Variants in IMMP2L observed in about 807,000 individuals in gnomAD.
IMMP2L encodes mitochondrial inner membrane protease subunit 2.
IMMP2L carries 18 observed loss-of-function variants against 19.3 expected under a neutral mutation model. The ratio of observed to expected loss-of-function variants is 0.93; its 90% CI spans 0.64 to 1.38. The LOEUF is 1.38. IMMP2L is among the 40% of genes most tolerant of loss of function. The pLI is 0.00. For missense variants in IMMP2L, 233 were observed against 218.2 expected (o/e 1.07, Z -0.43); for synonymous variants, 76 against 73.0 (o/e 1.04, Z -0.21).
rs554313261 is a variant in IMMP2L at position 111,233,082 on chromosome 7, A to G, written c.239+254156T>C. ...ATTCCTCCATATTCCCAGTGAAAAC[A>G]CTGAACCTAACTCATCTTAGATGCT... On this transcript the variant is annotated intron_variant, in intron 3 of 5. Transcript: ENST00000405709. Among the ~76,000 whole-genome samples the G allele has an allele frequency of 8.5e-5, 13 of 152,132 alleles. 1 individual carries two copies. Among genetic ancestry groups the G allele is most frequent in the Non-Finnish European group, 1.9e-4 (13 of 68,024 alleles).
At chr7:111,499,949 C>G (rs1354039419) in intron 2 of IMMP2L, among the ~76,000 whole-genome samples, 2 of 152,172 alleles carry the variant, frequency 1.3e-5, no homozygotes, top group African/African-American at 4.8e-5. Flanking sequence ...GAGTGCCAGA[C>G]AGCAGGTGCA....
At chr7:110,979,008 T>C (rs1237145258) in intron 3 of IMMP2L, among the ~76,000 whole-genome samples, 1 of 152,082 alleles carries the variant, frequency 6.6e-6, no homozygotes, top group Non-Finnish European at 1.5e-5. Flanking sequence ...GGATGGACTA[T>C]ATAGAAAATT....
Position 111,337,809 on chromosome 7 carries a change from C to T in IMMP2L, c.239+149429G>A, listed in dbSNP as rs76748123. Among the ~76,000 whole-genome samples the T allele has an allele frequency of 3.3e-3, 505 of 152,122 alleles. 3 individuals carry two copies. The highest frequency in any genetic ancestry group is 0.012 in the African/African-American group (489 of 41,520). ...CCAAGGCAAACAGAAAAACTAAGTACCATACATTCAGGATTAGATTTTCCT... is the reference window on the plus strand; with the variant it reads ...CCAAGGCAAACAGAAAAACTAAGTATCATACATTCAGGATTAGATTTTCCT... On this transcript the variant is annotated intron_variant, in intron 3 of 5. Coordinates refer to ENST00000405709, the MANE Select transcript of IMMP2L (RefSeq NM_032549.4).
intron 4 of IMMP2L, among the ~76,000 whole-genome samples, chr7:110,956,303 T>C (rs533645793): frequency 5.9e-5 from 9 of 152,036 alleles, no homozygotes; most frequent in Non-Finnish European, 1.2e-4. Context: ...TCAATACTAG[T>C]TAAAGAAAGC....
intron 5 of IMMP2L, among the ~76,000 whole-genome samples, chr7:110,791,650 A>T (rs1252303946): frequency 6.6e-6 from 1 of 151,806 alleles, no homozygotes; most frequent in Non-Finnish European, 1.5e-5. Flanking sequence ...TTACTAATAA[A>T]GTTGATCAAA....
At chr7:110,871,978 C>T (rs1488265786) in intron 5 of IMMP2L, among the ~76,000 whole-genome samples, 1 of 152,092 alleles carries the variant, frequency 6.6e-6, no homozygotes, top group Non-Finnish European at 1.5e-5. Flanking sequence ...TCTACAAATA[C>T]ACTGCTCCTA....
intron 5 of IMMP2L, among the ~76,000 whole-genome samples, chr7:110,762,279 T>G (rs1245302139): frequency 6.6e-6 from 1 of 151,728 alleles, no homozygotes; most frequent in Non-Finnish European, 1.5e-5. Flanking sequence ...TGCTTCAGAG[T>G]GCTCAAAAAT....
In IMMP2L at chr7:111,004,432, T is replaced by C. The variant is rs112288615; in HGVS notation, c.240-40867A>G. 3.2e-3 allele frequency among the ~76,000 whole-genome samples: 489 copies of C among 152,288 alleles called. 4 individuals carry two copies. Among genetic ancestry groups the C allele is most frequent in the African/African-American group, 0.011 (453 of 41,562 alleles). Reference sequence around the variant, plus strand: ...CTTCTGTCTTGGCCTCGCAAAGTGCTGTGATTAAAGGCATGAAACAACACA... The same window carrying C: ...CTTCTGTCTTGGCCTCGCAAAGTGCCGTGATTAAAGGCATGAAACAACACA... On this transcript the variant is annotated intron_variant, in intron 3 of 5. Transcript: ENST00000405709.
intron 3 of IMMP2L, among the ~76,000 whole-genome samples, chr7:111,464,889 C>T (rs534900707): frequency 2.6e-4 from 39 of 152,172 alleles, no homozygotes; most frequent in African/African-American, 9.2e-4. Flanking sequence ...CCCGGGTTCA[C>T]GCCATTCTCT....
At chr7:111,447,547 C>G (rs1838622710) in intron 3 of IMMP2L, among the ~76,000 whole-genome samples, 1 of 146,084 alleles carries the variant, frequency 6.8e-6, no homozygotes, top group South Asian at 2.3e-4. Context: ...TAAAAGAGCT[C>G]CTGAAGGAAG....
At chr7:111,503,574 A>C (rs1844541326) in intron 2 of IMMP2L, among the ~76,000 whole-genome samples, 1 of 152,174 alleles carries the variant, frequency 6.6e-6, no homozygotes, top group African/African-American at 2.4e-5. Flanking sequence ...ATCCTCAATA[A>C]AATACTGGCA....
chr7:110,934,836 T>G (rs1815899274), intron 4 of IMMP2L, among the ~76,000 whole-genome samples: 1 of 152,222 alleles, frequency 6.6e-6, no homozygotes, highest in South Asian at 2.1e-4. Context: ...TTTTTTTGCT[T>G]TCCATTTGCT....
chr7:110,718,057 T>C (rs993196588), intron 5 of IMMP2L, among the ~76,000 whole-genome samples: 1 of 152,064 alleles, frequency 6.6e-6, no homozygotes, highest in Admixed American at 6.5e-5. Context: ...AAACCAGAAA[T>C]GGAGGAATTA....
At chr7:110,846,285 T>C (rs765525248) in intron 5 of IMMP2L, among the ~76,000 whole-genome samples, 1 of 151,848 alleles carries the variant, frequency 6.6e-6, no homozygotes, top group Non-Finnish European at 1.5e-5. Flanking sequence ...GAACACCAAG[T>C]TTCTTTAGCT....
intron 5 of IMMP2L, among the ~76,000 whole-genome samples, chr7:110,777,610 T>C (rs1799477806): frequency 6.6e-6 from 1 of 152,028 alleles, no homozygotes; most frequent in African/African-American, 2.4e-5. Context: ...GCTTCTAGAA[T>C]GTCTTATGTT....
intron 5 of IMMP2L, among the ~76,000 whole-genome samples, chr7:110,857,845 A>C (rs1806963017): frequency 6.6e-6 from 1 of 152,076 alleles, no homozygotes; most frequent in African/African-American, 2.4e-5. Flanking sequence ...TCAGAAAACA[A>C]GTATGTGATT....
chr7:111,509,025 A>G (rs909663184), intron 2 of IMMP2L, among the ~76,000 whole-genome samples: 1 of 152,192 alleles, frequency 6.6e-6, no homozygotes, highest in African/African-American at 2.4e-5. Flanking sequence ...CAAATTTTTT[A>G]AAAGTTATAA....
chr7:111,275,125 T>C (rs1478209703), intron 3 of IMMP2L, among the ~76,000 whole-genome samples: 2 of 152,144 alleles, frequency 1.3e-5, no homozygotes, highest in African/African-American at 2.4e-5. Context: ...TGCATATTCA[T>C]AGGAATCCCA....
intron 3 of IMMP2L, among the ~76,000 whole-genome samples, chr7:110,974,576 T>C (rs1334539306): frequency 1.3e-5 from 2 of 152,120 alleles, no homozygotes; most frequent in Middle Eastern, 3.2e-3. Context: ...TACTGATGCA[T>C]ACCATGTCTC....
Sources: allele counts gnomAD v4.1 joint callset (sites outside exome capture counted in the v4.1 genomes callset), GRCh38; gene constraint gnomAD v4.1.1; transcripts MANE v1.5; gene names NCBI Gene and HGNC (gene_info 2026-07-23, HGNC 2026-07-21).